CNTNAP3B: variants seen among roughly 807,000 people sequenced by gnomAD.
The protein encoded by CNTNAP3B is contactin associated protein family member 3B.
CNTNAP3B carries 25 observed loss-of-function variants against 108.9 expected under a neutral mutation model. The observed-to-expected ratio is 0.23, with a 90% CI of 0.17 to 0.32. The LOEUF is 0.32. CNTNAP3B is among the 10% of genes least tolerant of loss of function. The pLI is 1.00. For missense variants in CNTNAP3B, 252 were observed against 1,210.4 expected (o/e 0.21, Z 11.75); for synonymous variants, 103 against 473.4 (o/e 0.22, Z 10.16).
At chr9:41,925,411 G>A (rs994970387) in intron 15 of CNTNAP3B, among the ~76,000 whole-genome samples, 1 of 152,160 alleles carries the variant, frequency 6.6e-6, no homozygotes, top group African/African-American at 2.4e-5. Context: ...GGCTAACACG[G>A]TGAAACCCCG....
rs558458573 is a variant in CNTNAP3B at position 42,115,128 on chromosome 9, C to A, written c.86-10389G>T. On this transcript the variant is annotated intron_variant, in intron 1 of 23. Coordinates refer to ENST00000377561, the MANE Select transcript of CNTNAP3B (RefSeq NM_001201380.3). ...AATATAAAGCAAAGTGAGTTAAAGC[C>A]CAGAACACATTAAGACTTTCAAACA... Among the ~76,000 whole-genome samples, 25 of 137,844 alleles carry A rather than the reference C, an allele frequency of 1.8e-4. 5 individuals are homozygous for A. Among genetic ancestry groups the A allele is most frequent in the African/African-American group, 7.2e-4 (25 of 34,642 alleles). The allele number at this position is 137,844 out of a possible 152,430, so 90.4% of individuals were successfully genotyped here.
At position 42,113,686 on chromosome 9, in the gene CNTNAP3B, C is replaced by T. The variant is rs1462874334; in HGVS notation, c.86-8947G>A. ...TAAAGGGCAATAAATGATCTTTCCA[C>T]GGGTACAAAAAAATAGAAAAAATGA... On this transcript the variant is annotated intron_variant, in intron 1 of 23. Transcript: ENST00000377561. Among the ~76,000 whole-genome samples, 27 of 139,658 alleles carry T rather than the reference C, an allele frequency of 1.9e-4. 6 individuals carry two copies. The highest frequency in any genetic ancestry group is 1.3e-3 in the Admixed American group (18 of 14,102). The allele number at this position is 139,658 out of a possible 152,430, so 91.6% of individuals were successfully genotyped here. A position where few individuals can be genotyped will look rare whatever the true frequency, so the allele number is the denominator to read the frequency against.
At chr9:42,062,786 C>T (rs1827198343) in intron 3 of CNTNAP3B, among the ~76,000 whole-genome samples, 1 of 94,192 alleles carries the variant, frequency 1.1e-5, no homozygotes, top group Admixed American at 1.1e-4. Flanking sequence ...TGGTTTGATT[C>T]CTTACTTTGT....
chr9:42,107,747 G>A (rs1158019911), intron 1 of CNTNAP3B, among the ~76,000 whole-genome samples: 5 of 137,870 alleles, frequency 3.6e-5, no homozygotes, highest in South Asian at 2.4e-4. Flanking sequence ...AGACCAAGGC[G>A]GGTGGATCAC....
intron 2 of CNTNAP3B, among the ~76,000 whole-genome samples, chr9:42,103,460 A>C (rs1465644834): frequency 8.4e-6 from 1 of 118,386 alleles, no homozygotes; most frequent in African/African-American, 3.7e-5. Context: ...TTACAGGCTC[A>C]CGCCTATAAT....
At chr9:41,956,368 A>C (rs1415050590) in intron 12 of CNTNAP3B, among the ~76,000 whole-genome samples, 5 of 152,154 alleles carry the variant, frequency 3.3e-5, no homozygotes, top group Non-Finnish European at 7.3e-5. Flanking sequence ...CCTGGGTGAC[A>C]GAGCAAGCCT....
intron 7 of CNTNAP3B, chr9:41,994,453 C>G (rs1445924838): frequency 5.3e-5 from 1 of 19,008 alleles, no homozygotes; most frequent in African/African-American, 2.8e-4. Context: ...TCTCCTTCCT[C>G]TTTTCATTTC....
intron 3 of CNTNAP3B, among the ~76,000 whole-genome samples, chr9:42,049,295 T>C (rs1826931363): frequency 7.2e-6 from 1 of 139,566 alleles, no homozygotes; most frequent in African/African-American, 2.8e-5. Flanking sequence ...ACTCCCACAC[T>C]ATAGCTTCTT....
chr9:41,958,946 CCTGGAGTTTTT>C lies in CNTNAP3B; in HGVS notation c.1876+1816_1876+1826del, dbSNP rs893143199. ...GGGGATCCTTCTCTGTCTGGGTCTT[CCTGGAGTTTTT>C]AATTCTCAGATGTGTCCACATCAAA... On this transcript the variant is annotated intron_variant, in intron 12 of 23. Transcript: ENST00000377561. Among the ~76,000 whole-genome samples, 18 of 139,854 alleles carry C rather than the reference CCTGGAGTTTTT, an allele frequency of 1.3e-4. 1 individual carries two copies. The highest frequency in any genetic ancestry group is 2.0e-4 in the Non-Finnish European group (13 of 65,066). The allele number at this position is 139,854 out of a possible 152,430, so 91.7% of individuals were successfully genotyped here. A position where few individuals can be genotyped will look rare whatever the true frequency, so the allele number is the denominator to read the frequency against.
rs557012657 is a variant in CNTNAP3B, at chr9:42,107,477, C to T, written c.86-2738G>A. 9.8e-5 allele frequency among the ~76,000 whole-genome samples: 12 copies of T among 121,830 alleles called. No homozygotes were observed. The South Asian group carries it at 2.8e-3, about 28-fold the overall frequency. The allele number at this position is 121,830 out of a possible 152,430, so 79.9% of individuals were successfully genotyped here. A position where few individuals can be genotyped will look rare whatever the true frequency, so the allele number is the denominator to read the frequency against. Reference sequence around the variant, plus strand: ...CCTTGGTTTCTCCCTAATTAACTTTCCAATTGTGTGTTTCACGAGTTTCAG... The same window carrying T: ...CCTTGGTTTCTCCCTAATTAACTTTTCAATTGTGTGTTTCACGAGTTTCAG... On this transcript the variant is annotated intron_variant, in intron 1 of 23. Coordinates refer to ENST00000377561, the MANE Select transcript of CNTNAP3B (RefSeq NM_001201380.3).
At position 42,095,322 on chromosome 9, in the gene CNTNAP3B, C is replaced by T. The variant is rs930386141; in HGVS notation, c.196+9307G>A. ...CACTTAACATAATGTCCTCCAGGTT[C>T]ATCCATGTTATCACAAGTGTCAGAG... On this transcript the variant is annotated intron_variant, in intron 2 of 23. Coordinates refer to ENST00000377561, the MANE Select transcript of CNTNAP3B (RefSeq NM_001201380.3). 2.2e-5 allele frequency among the ~76,000 whole-genome samples: 3 copies of T among 138,096 alleles called. 1 individual carries two copies. The highest frequency in any genetic ancestry group is 4.6e-5 in the Non-Finnish European group (3 of 64,830). 90.6% of individuals were successfully genotyped at this position (138,096 alleles called of 152,430 possible).
At position 42,079,624 on chromosome 9, in the gene CNTNAP3B, C is replaced by A. The variant is rs1445125001; in HGVS notation, c.197-2562G>T. 1.5e-5 allele frequency among the ~76,000 whole-genome samples: 2 copies of A among 134,708 alleles called. 1 individual carries two copies. The highest frequency in any genetic ancestry group is 6.0e-5 in the African/African-American group (2 of 33,358). 88.4% of individuals were successfully genotyped at this position (134,708 alleles called of 152,430 possible). On this transcript the variant is annotated intron_variant, in intron 2 of 23. Transcript: ENST00000377561. The stretch of plus-strand genomic sequence containing the variant: ...GCAACCTCCAACTCCCTGGTTCAAG[C>A]AATTCTCCTGCCTCAGCCACCCAAG...
chr9:42,054,547 G>A (rs1827020415), intron 3 of CNTNAP3B, among the ~76,000 whole-genome samples: 2 of 151,760 alleles, frequency 1.3e-5, no homozygotes, highest in Non-Finnish European at 2.9e-5. Context: ...TTTGTTAGGG[G>A]CTATTTTAGA....
chr9:42,111,798 G>A (rs1333488006), intron 1 of CNTNAP3B, among the ~76,000 whole-genome samples: 3 of 138,006 alleles, frequency 2.2e-5, no homozygotes, highest in Admixed American at 7.2e-5. Flanking sequence ...CCATTATCAT[G>A]ATCATCATCT....
intron 10 of CNTNAP3B, among the ~76,000 whole-genome samples, chr9:41,966,923 T>C (rs1231742971): frequency 2.0e-5 from 3 of 150,228 alleles, no homozygotes; most frequent in Non-Finnish European, 3.0e-5. Context: ...GCCGAGATCG[T>C]GCCACTGCAC....
At chr9:42,054,478 T>C (rs1357838403) in intron 3 of CNTNAP3B, among the ~76,000 whole-genome samples, 3 of 151,728 alleles carry the variant, frequency 2.0e-5, no homozygotes, top group Non-Finnish European at 4.4e-5. Context: ...CCACCCTGCA[T>C]TTTGTAATCG....
chr9:41,970,992 T>C (rs572903114), intron 9 of CNTNAP3B, among the ~76,000 whole-genome samples: 2 of 151,490 alleles, frequency 1.3e-5, no homozygotes, highest in East Asian at 1.9e-4. Context: ...AGAGATAAAA[T>C]AGACATTTGA....
At chr9:42,109,406 C>G (rs981331105) in intron 1 of CNTNAP3B, among the ~76,000 whole-genome samples, 8 of 145,368 alleles carry the variant, frequency 5.5e-5, no homozygotes, top group African/African-American at 2.1e-4. Context: ...CATTTTCAAA[C>G]AGCAATTCAT....
rs1827351917 is a variant in CNTNAP3B at position 42,070,561 on chromosome 9, T to C, written c.390+6308A>G. On this transcript the variant is annotated intron_variant, in intron 3 of 23. Transcript: ENST00000377561. ...GCTACCCAGCCACACCCTCAGCCTC[T>C]CTTTTCCCTACTGTCAACCAACTGT... Among the ~76,000 whole-genome samples the C allele has an allele frequency of 2.1e-5, 3 of 145,642 alleles. No homozygotes were observed. In the South Asian group the frequency reaches 6.6e-4, roughly 32 times the overall value.
Sources: gnomAD v4.1 joint callset for allele counts (sites outside exome capture counted in the v4.1 genomes callset) on GRCh38, gnomAD v4.1.1 for gene constraint, MANE v1.5 for transcripts, NCBI Gene and HGNC (gene_info 2026-07-23, HGNC 2026-07-21) for gene names.